The following ZZZ3 variants were observed in gnomAD, a reference collection of about 807,000 sequenced individuals.
The protein encoded by ZZZ3 is ZZ-type zinc finger-containing protein 3.
ZZZ3 carries 22 observed loss-of-function variants against 95.2 expected under a neutral mutation model. The ratio of observed to expected loss-of-function variants is 0.23; its 90% CI spans 0.17 to 0.33. The LOEUF (loss-of-function observed/expected upper bound fraction) is 0.33, where lower values mean the gene tolerates loss of function less well. Ranked by LOEUF, ZZZ3 falls within the 10% of genes least tolerant of loss-of-function variation. ZZZ3 has a pLI of 1.00. For missense variants in ZZZ3, 885 were observed against 1,066.5 expected (o/e 0.83, Z 2.37); for synonymous variants, 335 against 358.9 (o/e 0.93, Z 0.75).
At chr1:77,567,117 C>T (rs1355003767) in intron 13 of ZZZ3, among the ~76,000 whole-genome samples, 1 of 152,126 alleles carries the variant, frequency 6.6e-6, no homozygotes, top group Non-Finnish European at 1.5e-5. Context: ...TTTGGTTTAC[C>T]AGTCACAGCA....
At chr1:77,677,503 T>C (rs1557788213) in intron 1 of ZZZ3, among the ~76,000 whole-genome samples, 1 of 152,308 alleles carries the variant, frequency 6.6e-6, no homozygotes, top group East Asian at 1.9e-4. Context: ...AAATGTTAAA[T>C]GTTGATGAGT....
intron 5 of ZZZ3, among the ~76,000 whole-genome samples, chr1:77,587,782 T>G (rs1344571599): frequency 1.3e-5 from 2 of 152,168 alleles, no homozygotes; most frequent in Non-Finnish European, 2.9e-5. Context: ...TACACAAATT[T>G]TCTTCTACCT....
At chr1:77,616,947 A>T (rs1381361509) in intron 5 of ZZZ3, among the ~76,000 whole-genome samples, 1 of 152,184 alleles carries the variant, frequency 6.6e-6, no homozygotes, top group Non-Finnish European at 1.5e-5. Context: ...TTACTTATAA[A>T]CTATATGTTC....
At chr1:77,570,832 T>G (rs1014677211) in intron 12 of ZZZ3, among the ~76,000 whole-genome samples, 2 of 144,972 alleles carry the variant, frequency 1.4e-5, no homozygotes, top group African/African-American at 5.1e-5. Context: ...TGGCTAATTT[T>G]TTTTTTTTTT....
intron 1 of ZZZ3, among the ~76,000 whole-genome samples, chr1:77,653,473 GCCAGGCGCGATGGCTCACGCCTGTAATC>G (rs1669986568): frequency 6.6e-6 from 1 of 152,202 alleles, no homozygotes; most frequent in Non-Finnish European, 1.5e-5. Flanking sequence ...AAGAGAATCG[GCCAGGCGCGATGGCTCACGCCTGTAATC>G]CCAACACTTT....
chr1:77,611,644 CAG>C (rs1665823284), intron 5 of ZZZ3, among the ~76,000 whole-genome samples: 1 of 151,822 alleles, frequency 6.6e-6, no homozygotes. Flanking sequence ...ACATAAAAAA[CAG>C]AAAATGAAGT....
intron 5 of ZZZ3, among the ~76,000 whole-genome samples, chr1:77,607,340 C>T (rs950117102): frequency 6.6e-6 from 1 of 152,172 alleles, no homozygotes. Flanking sequence ...CTCCACCTGG[C>T]CCTGCCCTTG....
chr1:77,667,492 T>C (rs1390104491), intron 1 of ZZZ3, among the ~76,000 whole-genome samples: 1 of 152,190 alleles, frequency 6.6e-6, no homozygotes, highest in Non-Finnish European at 1.5e-5. Flanking sequence ...CCTTCTTTCT[T>C]CTTTATTGAC....
rs1570376121 is a variant in ZZZ3, at chr1:77,565,203, T to C, written c.*437A>G. ...TCCTAGAAGCAAACACCATCATTGG[T>C]TAAAACTTTGTCTAAAGAAGTCAGT... is the stretch of plus-strand genomic sequence containing the variant. On this transcript the variant is annotated 3_prime_UTR_variant, in exon 15 of 15. Transcript: ENST00000370801. The C allele has an allele frequency of 6.5e-6, 1 of 154,328 alleles. No individual in the cohort carries two copies. Among genetic ancestry groups the C allele is most frequent in the Middle Eastern group, 3.3e-3 (1 of 306 alleles). 9.6% of individuals were successfully genotyped at this position (154,328 alleles called of 1,614,324 possible).
In ZZZ3 at chr1:77,632,135, T is replaced by G; in HGVS notation, c.1220A>C (p.Glu407Ala). The change falls in exon 5 of 15, where the codon GAG becomes GCG. Residue 407 changes from glutamate (E) to alanine (A), a missense_variant. Glu to Ala is a moderately radical substitution (Grantham distance 107, BLOSUM62 -1). Coordinates refer to ENST00000370801, the MANE Select transcript of ZZZ3 (RefSeq NM_015534.6). ...TGTTTCATTAGGACTAAGATTATTC[T>G]CCTCAAATTGTCCATTTTCTCTGTA... ...SPYRENGQFE[E>A]NNLSPNETNA... is the part of the protein sequence containing the mutation. The G allele has an allele frequency of 6.2e-7, 1 of 1,614,168 alleles. No individual in the cohort carries two copies. The highest frequency in any genetic ancestry group is 1.1e-5 in the South Asian group (1 of 91,078).
At chr1:77,658,345 T>C (rs930356853) in intron 1 of ZZZ3, among the ~76,000 whole-genome samples, 25 of 152,014 alleles carry the variant, frequency 1.6e-4, no homozygotes, top group Admixed American at 4.6e-4. Flanking sequence ...TTGTCTGGGA[T>C]TTTTTTATTT....
chr1:77,655,416 A>T (rs1670181098), intron 1 of ZZZ3, among the ~76,000 whole-genome samples: 1 of 152,238 alleles, frequency 6.6e-6, no homozygotes, highest in Admixed American at 6.5e-5. Context: ...GATTGGGTTT[A>T]GTCAAGTTTA....
intron 1 of ZZZ3, among the ~76,000 whole-genome samples, chr1:77,673,135 C>T (rs1671937088): frequency 6.6e-6 from 1 of 152,074 alleles, no homozygotes; most frequent in South Asian, 2.1e-4. Flanking sequence ...CTAAAATTCA[C>T]TTAAAAAGGA....
chr1:77,647,271 C>A (rs1013374704), intron 1 of ZZZ3, among the ~76,000 whole-genome samples: 1 of 152,150 alleles, frequency 6.6e-6, no homozygotes, highest in Non-Finnish European at 1.5e-5. Flanking sequence ...ATACTCCCAG[C>A]ACTTTGGGAG....
chr1:77,566,023 T>C (rs569640674), intron 14 of ZZZ3, 58 bp downstream of exon 14: 10 of 1,367,896 alleles, frequency 7.3e-6, no homozygotes, highest in Admixed American at 6.3e-5. Context: ...AATTCACTAA[T>C]GGCTGAGAAG....
intron 12 of ZZZ3, among the ~76,000 whole-genome samples, chr1:77,571,280 C>T (rs1183414042): frequency 6.6e-6 from 1 of 151,484 alleles, no homozygotes; most frequent in Middle Eastern, 3.2e-3. Context: ...GTGGCTACTA[C>T]TGAAAAAATA....
At chr1:77,568,204 G>T in intron 13 of ZZZ3, 128 bp downstream of exon 13, 1 of 676,778 alleles carries the variant, frequency 1.5e-6, no homozygotes, top group Non-Finnish European at 2.3e-6. Context: ...GCTTGAACCC[G>T]GGAGGCAGAG....
chr1:77,579,166 G>A (rs1388612447), intron 10 of ZZZ3, among the ~76,000 whole-genome samples: 1 of 152,046 alleles, frequency 6.6e-6, no homozygotes, highest in Non-Finnish European at 1.5e-5. Context: ...GAATATGAAG[G>A]AGTAAACTGC....
intron 5 of ZZZ3, among the ~76,000 whole-genome samples, chr1:77,623,015 G>A (rs931469505): frequency 4.6e-5 from 7 of 152,176 alleles, no homozygotes; most frequent in African/African-American, 1.7e-4. Flanking sequence ...TCATAACAGA[G>A]TAACTGACAC....
Sources: allele counts gnomAD v4.1 joint callset (sites outside exome capture counted in the v4.1 genomes callset), GRCh38; gene constraint gnomAD v4.1.1; transcripts MANE v1.5; gene names NCBI Gene and HGNC (gene_info 2026-07-23, HGNC 2026-07-21).